The following DOCK10 variants were observed in gnomAD, a reference collection of about 807,000 sequenced individuals.
The protein encoded by DOCK10 is dedicator of cytokinesis protein 10.
Under a neutral mutation model 280.1 loss-of-function variants are expected in DOCK10, and 145 were observed. The observed-to-expected ratio is 0.52, with a 90% CI of 0.45 to 0.59. DOCK10 has a LOEUF of 0.59. Among genes scored for constraint, DOCK10 ranks in the 20% least tolerant of loss-of-function variants. DOCK10 has a pLI of 0.00. For missense variants in DOCK10, 2,368 were observed against 2,651.7 expected, an observed-to-expected ratio of 0.89 and a Z score of 2.35; for synonymous variants, 915 against 942.2, an observed-to-expected ratio of 0.97 and a Z score of 0.53.
In DOCK10 at chr2:224,886,168, C is replaced by A; in HGVS notation, c.507G>T (p.Ser169=). 1 of 1,613,770 alleles carries A rather than the reference C, an allele frequency of 6.2e-7. No individual in the cohort carries two copies. ...CCGCTCCTCCACCCCCCTTGGAAGACGAGTGGGAAGTGGTATCCTGTAGGA... is the reference window on the plus strand; with the variant it reads ...CCGCTCCTCCACCCCCCTTGGAAGAAGAGTGGGAAGTGGTATCCTGTAGGA... ...ADKDEDTTSH[S]SSKGGGGAGG... is the part of the protein sequence containing the mutation. The change falls in exon 6 of 56, where the codon TCG becomes TCT. Residue 169 remains serine (S), a synonymous_variant. Transcript: ENST00000258390.
chr2:224,830,430 G>A, intron 27 of DOCK10, 111 bp downstream of exon 27: 1 of 556,582 alleles, frequency 1.8e-6, no homozygotes, highest in Non-Finnish European at 2.9e-6. Flanking sequence ...ATTGTAAACT[G>A]CTAAGGTTTA....
chr2:224,804,426 T>C (rs1338976852), intron 38 of DOCK10, among the ~76,000 whole-genome samples: 1 of 151,456 alleles, frequency 6.6e-6, no homozygotes, highest in Non-Finnish European at 1.5e-5. Flanking sequence ...ATGATGACAG[T>C]ACGAAGTTAT....
intron 14 of DOCK10, among the ~76,000 whole-genome samples, chr2:224,858,412 A>G (rs1697285645): frequency 6.6e-6 from 1 of 151,940 alleles, no homozygotes; most frequent in Non-Finnish European, 1.5e-5. Flanking sequence ...TAATCCCGGC[A>G]CTTTGGAAGG....
intron 1 of DOCK10, among the ~76,000 whole-genome samples, chr2:225,016,607 A>G (rs188789673): frequency 0.061 from 6,116 of 100,630 alleles, 1,012 homozygotes; most frequent in African/African-American, 0.21. Flanking sequence ...GCACATAGAT[A>G]CATATATCTA....
chr2:225,025,045 T>C (rs997288691), intron 1 of DOCK10, among the ~76,000 whole-genome samples: 3 of 152,178 alleles, frequency 2.0e-5, no homozygotes, highest in African/African-American at 4.8e-5. Flanking sequence ...TTTGTATTCT[T>C]TAAGGAGTAA....
chr2:224,969,079 T>C (rs1704935737), intron 1 of DOCK10, among the ~76,000 whole-genome samples: 1 of 152,242 alleles, frequency 6.6e-6, no homozygotes, highest in Non-Finnish European at 1.5e-5. Flanking sequence ...TGATTTTTTT[T>C]CTACTTTTTG....
chr2:224,962,105 G>A (rs1215231830), intron 1 of DOCK10, among the ~76,000 whole-genome samples: 1 of 152,140 alleles, frequency 6.6e-6, no homozygotes, highest in East Asian at 1.9e-4. Context: ...CCCAATTTTG[G>A]TCTGTTCCTT....
chr2:224,793,422 A>C lies in DOCK10; in HGVS notation c.5190T>G (p.Ile1730Met). The C allele has an allele frequency of 3.1e-6, 5 of 1,613,634 alleles. No homozygotes were observed. Among genetic ancestry groups the C allele is most frequent in the Non-Finnish European group, 3.4e-6 (4 of 1,179,674 alleles). ...AMCYIHIAAL[I>M]AEYLKRKGYW... ...TACCCTTTCTTTTCAGATACTCTGC[A>C]ATGAGAGCAGCAATATGGATGTAAC... Residue 1730 changes from isoleucine to methionine, a missense_variant, in exon 46 of 56, where the codon ATT becomes ATG. Around this residue, in one of 2 missense-constraint regions of DOCK10, gnomAD observed 1,159 missense variants for 1,400.8 expected, o/e 0.83. Transcript: ENST00000258390.
chr2:224,934,191 A>G (rs977188934), intron 1 of DOCK10, among the ~76,000 whole-genome samples: 2 of 152,226 alleles, frequency 1.3e-5, no homozygotes, highest in African/African-American at 4.8e-5. Context: ...ATGGCCTGCA[A>G]GCATCTAAAG....
In DOCK10 at chr2:224,864,653, G is replaced by C; in HGVS notation, c.1502C>G (p.Pro501Arg). 6.2e-7 allele frequency: 1 copy of C among 1,612,542 alleles called. No individual in the cohort carries two copies. Among genetic ancestry groups the C allele is most frequent in the Non-Finnish European group, 8.5e-7 (1 of 1,179,586 alleles). The change falls in exon 13 of 56, where the codon CCA (proline) becomes CGA (arginine). Residue 501 changes from proline (P) to arginine (R), a missense_variant. Transcript: ENST00000258390. Reference sequence around the variant, plus strand: ...GGCCACCAAAACAATTTCAGAATGTGGATTGCTTACAGAAAATACAGCCTG... The same window carrying C: ...GGCCACCAAAACAATTTCAGAATGTCGATTGCTTACAGAAAATACAGCCTG... The part of the protein sequence containing the change: ...PKQAVFSVSN[P>R]HSEIVLVAKI...
rs71062961 is a variant in DOCK10, at chr2:224,804,000, ATGTGTGTG to A, written c.4268+104_4268+111del. 6.2e-3 allele frequency: 2,886 copies of A among 461,790 alleles called. 58 individuals carry two copies. The highest frequency in any genetic ancestry group is 0.055 in the African/African-American group (2,499 of 45,460). 28.6% of individuals were successfully genotyped at this position (461,790 alleles called of 1,614,324 possible). On this transcript the variant is annotated intron_variant, in intron 39 of 55. Coordinates refer to ENST00000258390, the MANE Select transcript of DOCK10 (RefSeq NM_014689.3). ...TTGGTTTGAATATATAAATAGAAAT[ATGTGTGTG>A]TGTGTGTGTGTGTGTGTGTGTGTGT...
intron 1 of DOCK10, among the ~76,000 whole-genome samples, chr2:225,030,770 G>A (rs995092600): frequency 6.6e-6 from 1 of 152,030 alleles, no homozygotes; most frequent in African/African-American, 2.4e-5. Context: ...TATAATATTT[G>A]TGTTGTAAAT....
chr2:224,860,100 T>G (rs1335841934), intron 14 of DOCK10, among the ~76,000 whole-genome samples: 1 of 152,210 alleles, frequency 6.6e-6, no homozygotes, highest in Non-Finnish European at 1.5e-5. Flanking sequence ...ATTAATATGG[T>G]CTAAGCTTGT....
intron 27 of DOCK10, among the ~76,000 whole-genome samples, chr2:224,825,737 G>C (rs978563067): frequency 3.3e-5 from 5 of 152,156 alleles, no homozygotes; most frequent in African/African-American, 1.2e-4. Flanking sequence ...TTTTAAAACT[G>C]TTTTCCCGAA....
chr2:224,893,220 A>G (rs1401895304), intron 4 of DOCK10: 1 of 152,314 alleles, frequency 6.6e-6, no homozygotes, highest in Non-Finnish European at 1.5e-5. Context: ...TGAGGATAAC[A>G]GTTCCTATTC....
intron 1 of DOCK10, among the ~76,000 whole-genome samples, chr2:225,014,654 A>G (rs1689543836): frequency 6.6e-6 from 1 of 152,098 alleles, no homozygotes; most frequent in East Asian, 1.9e-4. Context: ...CTGCAAGTTT[A>G]GAAGCTCAAT....
chr2:224,851,336 T>G (rs913923092), intron 18 of DOCK10, among the ~76,000 whole-genome samples: 2 of 152,090 alleles, frequency 1.3e-5, no homozygotes, highest in Non-Finnish European at 2.9e-5. Flanking sequence ...TGCCATCTGA[T>G]CATTGCCTCT....
At chr2:225,033,940 A>C (rs1367496943) in intron 1 of DOCK10, among the ~76,000 whole-genome samples, 1 of 152,192 alleles carries the variant, frequency 6.6e-6, no homozygotes, top group Admixed American at 6.5e-5. Flanking sequence ...TGCAAAGCTT[A>C]ACTCACTCTG....
chr2:224,811,804 G>A (rs1389295704), intron 31 of DOCK10, among the ~76,000 whole-genome samples: 3 of 151,142 alleles, frequency 2.0e-5, no homozygotes, highest in Non-Finnish European at 3.0e-5. Flanking sequence ...GTAGATATGC[G>A]GCATTATTTC....
Sources: allele counts gnomAD v4.1 joint callset (sites outside exome capture counted in the v4.1 genomes callset), GRCh38; gene constraint gnomAD v4.1.1; regional missense constraint gnomAD v4.1.1; transcripts MANE v1.5; gene names NCBI Gene and HGNC (gene_info 2026-07-23, HGNC 2026-07-21).